The following VWA5B2 variants were observed in gnomAD, a reference collection of about 807,000 sequenced individuals.
The protein encoded by VWA5B2 is von Willebrand factor A domain containing 5B2.
Under a neutral mutation model 118.5 loss-of-function variants are expected in VWA5B2, and 93 were observed. That is an observed-to-expected ratio of 0.79 (90% CI 0.66 to 0.93). VWA5B2 has a LOEUF of 0.93. Ranked by LOEUF, VWA5B2 falls within the 40% of genes least tolerant of loss-of-function variation. The probability of loss-of-function intolerance (pLI) is 0.00; values close to 1 mark genes in which losing one functional copy is unlikely to be tolerated. For synonymous variants in VWA5B2, 708 were observed against 716.3 expected (o/e 0.99, Z 0.19); for missense variants, 1,546 against 1,672.8 (o/e 0.92, Z 1.32).
rs1718088011 is a variant in VWA5B2, at chr3:184,237,196, C to T, written c.1534-30C>T. 1 of 1,544,882 alleles carries T rather than the reference C, an allele frequency of 6.5e-7. No individual in the cohort carries two copies. The highest frequency in any genetic ancestry group is 1.4e-5 in the African/African-American group (1 of 72,922). ...TGGCCGTATGACACCTCTTTCCTTC[C>T]CATGTCTTCCCTGTGGCCACTCCCC... On this transcript the variant is annotated intron_variant, in intron 11 of 19. Coordinates refer to ENST00000691901, the MANE Select transcript of VWA5B2 (RefSeq NM_001390846.1). The surrounding 1 kb of genome is among the most constrained non-coding windows in gnomAD (Gnocchi z 5.6).
rs1444944048 is a variant in VWA5B2 at position 184,230,931 on chromosome 3, G to T, written c.310+14G>T. 3.3e-6 allele frequency: 4 copies of T among 1,211,496 alleles called. No individual in the cohort carries two copies. The highest frequency in any genetic ancestry group is 8.7e-5 in the Admixed American group (2 of 22,864). The allele number at this position is 1,211,496 out of a possible 1,614,324, so 75.0% of individuals were successfully genotyped here. ...GCTGCGCGCAGGGTGAGTTCCGCGC[G>T]CCCGCACCCGCGCTCCTGAAAGCCG... is the stretch of plus-strand genomic sequence containing the variant. On this transcript the variant is annotated intron_variant, in intron 3 of 19. Transcript: ENST00000691901.
Position 184,239,542 on chromosome 3 carries a change from C to G in VWA5B2, c.2351C>G (p.Pro784Arg). The G allele has an allele frequency of 6.5e-7, 1 of 1,540,980 alleles. No individual in the cohort carries two copies. The highest frequency in any genetic ancestry group is 8.8e-7 in the Non-Finnish European group (1 of 1,139,694). The change falls in exon 15 of 20, where the codon CCT becomes CGT. Residue 784 changes from proline to arginine, a missense_variant. Pro to Arg is a moderately radical substitution (Grantham distance 103, BLOSUM62 -2). This residue lies in a region of VWA5B2 where 763 missense variants were observed against 766.6 expected (regional missense o/e 1.00). Coordinates refer to ENST00000691901, the MANE Select transcript of VWA5B2 (RefSeq NM_001390846.1). This position sits in a 1 kb window ranked among gnomAD's most constrained non-coding sequence, Gnocchi z 5.1. ...SLGAILDGPS[P>R]EPGQQLGQGL... ...GGTGCAATACTAGATGGCCCAAGTC[C>G]TGAGCCAGGCCAACAGTTGGGACAA...
rs932543151 is a variant in VWA5B2 at position 184,237,798 on chromosome 3, G to T, written c.1719+387G>T. On this transcript the variant is annotated intron_variant, in intron 12 of 19. Transcript: ENST00000691901. This position sits in a 1 kb window ranked among gnomAD's most constrained non-coding sequence, Gnocchi z 5.6. ...TTCTGGGACACGCAGTGATGGATGA[G>T]CATAACCTAGGCACAATCTCTAATC... Among the ~76,000 whole-genome samples, 1 of 152,200 alleles carries T rather than the reference G, an allele frequency of 6.6e-6. No homozygotes were observed. Among genetic ancestry groups the T allele is most frequent in the African/African-American group, 2.4e-5 (1 of 41,452 alleles).
In VWA5B2 at chr3:184,236,531, G is replaced by A; in HGVS notation, c.1401G>A (p.Arg467=). Residue 467 remains arginine (R), a synonymous_variant, in exon 10 of 20, where the codon AGG becomes AGA. Transcript: ENST00000691901. ...CCCACCGAACCCTGGAGCTCATGAG[G>A]TGGCACAGGGGGACAGCCAGGTATG... ...ATTHRTLELM[R]WHRGTARCFS... 7.1e-6 allele frequency: 11 copies of A among 1,550,214 alleles called. No homozygotes were observed. The highest frequency in any genetic ancestry group is 1.4e-5 in the African/African-American group (1 of 73,178).
rs369084544 is a variant in VWA5B2, at chr3:184,242,297, C to G, written c.*259C>G. 1.2e-5 allele frequency: 9 copies of G among 760,006 alleles called. No homozygotes were observed. Among genetic ancestry groups the G allele is most frequent in the South Asian group, 1.1e-4 (7 of 64,336 alleles). 47.1% of individuals were successfully genotyped at this position (760,006 alleles called of 1,614,324 possible). Reference sequence around the variant, plus strand: ...AGTGGAAGGGTAGAGAGCCACAGTCCCCAAATCCTATGCAATAAAGTGCCT... The same window carrying G: ...AGTGGAAGGGTAGAGAGCCACAGTCGCCAAATCCTATGCAATAAAGTGCCT... On this transcript the variant is annotated 3_prime_UTR_variant, in exon 20 of 20. Coordinates refer to ENST00000691901, the MANE Select transcript of VWA5B2 (RefSeq NM_001390846.1).
Position 184,233,314 on chromosome 3 carries a change from T to C in VWA5B2, c.447T>C (p.His149=), listed in dbSNP as rs1016029769. The change falls in exon 4 of 20, where the codon CAT becomes CAC. Residue 149 remains histidine, a synonymous_variant. Transcript: ENST00000691901. This position sits in a 1 kb window ranked among gnomAD's most constrained non-coding sequence, Gnocchi z 5.2. ...CCTCAAGGCCTGACGGGGTGCTGCA[T>C]GTGGCCCTGCCCACTGTGCTCACCC... ...ELPSRPDGVL[H]VALPTVLTPL... is the part of the protein sequence containing the mutation. 6.5e-7 allele frequency: 1 copy of C among 1,537,506 alleles called. No individual in the cohort carries two copies.
intron 7 of VWA5B2, 56 bp downstream of exon 7, chr3:184,234,811 G>GAGCAGGCA (rs1717801344): frequency 1.3e-6 from 2 of 1,548,310 alleles, no homozygotes; most frequent in Admixed American, 4.0e-5. Flanking sequence ...TGTGCACAAG[G>GAGCAGGCA]AGCAGGCAAG....
In VWA5B2 at chr3:184,229,637, A is replaced by G. The variant is rs964897858; in HGVS notation, c.-226A>G. 2.6e-5 allele frequency among the ~76,000 whole-genome samples: 4 copies of G among 151,826 alleles called. No individual in the cohort carries two copies. Among genetic ancestry groups the G allele is most frequent in the Admixed American group, 2.6e-4 (4 of 15,270 alleles). ...TGGCGGCCGGCAGGTGCCGGGACCG[A>G]GGGCCACCCGGAGCGCAGAGGCGGC... On this transcript the variant is annotated 5_prime_UTR_variant, in exon 1 of 20. Coordinates refer to ENST00000691901, the MANE Select transcript of VWA5B2 (RefSeq NM_001390846.1).
chr3:184,233,082 GC>G lies in VWA5B2; in HGVS notation c.311-93del. On this transcript the variant is annotated intron_variant, in intron 3 of 19. Coordinates refer to ENST00000691901, the MANE Select transcript of VWA5B2 (RefSeq NM_001390846.1). This position sits in a 1 kb window ranked among gnomAD's most constrained non-coding sequence, Gnocchi z 5.2. ...AGTGCCAACACGCAAAGTCCCCCTT[GC>G]CCAGGCTCCCTGACCCAATGCCTGC... The G allele has an allele frequency of 8.7e-7, 1 of 1,155,668 alleles. No individual in the cohort carries two copies. The highest frequency in any genetic ancestry group is 2.4e-5 in the Admixed American group (1 of 40,864). The allele number at this position is 1,155,668 out of a possible 1,614,324, so 71.6% of individuals were successfully genotyped here. A position where few individuals can be genotyped will look rare whatever the true frequency, so the allele number is the denominator to read the frequency against.
intron 5 of VWA5B2, among the ~76,000 whole-genome samples, chr3:184,234,040 A>G (rs182102596): frequency 1.3e-4 from 20 of 152,322 alleles, no homozygotes; most frequent in Non-Finnish European, 1.9e-4. Context: ...TGGGGGGTGA[A>G]TGCTAAATCA....
At chr3:184,240,481 C>A (rs1577095239) in intron 16 of VWA5B2, 1 of 447,014 alleles carries the variant, frequency 2.2e-6, no homozygotes, top group African/African-American at 1.9e-5. Context: ...AGAGAGAGAA[C>A]ATTTCCAAGT....
rs1173736367 is a variant in VWA5B2, at chr3:184,236,409, C to T, written c.1279C>T (p.Leu427=). 6 of 1,545,858 alleles carry T rather than the reference C, an allele frequency of 3.9e-6. No individual in the cohort carries two copies. Among genetic ancestry groups the T allele is most frequent in the Middle Eastern group, 1.7e-4 (1 of 5,982 alleles). Residue 427 remains leucine, a synonymous_variant, in exon 10 of 20, where the codon CTG becomes TTG. Transcript: ENST00000691901. ...LQVPSGPPDV[L]AALDWAVGQP... is the part of the protein sequence containing the mutation. ...GGTTCCGAGTGGGCCCCCAGACGTG[C>T]TGGCTGCTCTGGACTGGGCCGTGGG...
In VWA5B2 at chr3:184,241,747, A is replaced by T. The variant is rs1457453005; in HGVS notation, c.3438A>T (p.Ser1146=). ...GCCAGGTGGACAGTGGGCGGGGCTC[A>T]GACACCGAGGCCTCCGAGGGGGCGG... ...GPGQVDSGRG[S]DTEASEGAEG... is the part of the protein sequence containing the mutation. The change falls in exon 20 of 20, where the codon TCA becomes TCT. Residue 1146 remains serine (S), a synonymous_variant. Transcript: ENST00000691901. This position sits in a 1 kb window ranked among gnomAD's most constrained non-coding sequence, Gnocchi z 5.1. 1.3e-6 allele frequency: 2 copies of T among 1,484,508 alleles called. No individual in the cohort carries two copies. Among genetic ancestry groups the T allele is most frequent in the African/African-American group, 2.8e-5 (2 of 71,742 alleles). 92.0% of individuals were successfully genotyped at this position (1,484,508 alleles called of 1,614,324 possible).
Position 184,236,438 on chromosome 3 carries a change from G to A in VWA5B2, c.1308G>A (p.Gln436=). The change falls in exon 10 of 20, where the codon CAG becomes CAA. Residue 436 remains glutamine, a synonymous_variant. Coordinates refer to ENST00000691901, the MANE Select transcript of VWA5B2 (RefSeq NM_001390846.1). ...VLAALDWAVG[Q]PQHRAYPRQL... is the part of the protein sequence containing the mutation. The stretch of plus-strand genomic sequence containing the variant: ...CTGCTCTGGACTGGGCCGTGGGGCA[G>A]CCCCAGCACAGGGCCTACCCTCGGC... 2 of 1,546,844 alleles carry A rather than the reference G, an allele frequency of 1.3e-6. No homozygotes were observed. Among genetic ancestry groups the A allele is most frequent in the South Asian group, 1.2e-5 (1 of 84,054 alleles).
chr3:184,234,666 A>C lies in VWA5B2; in HGVS notation c.856A>C (p.Ser286Arg). The change falls in exon 7 of 20, where the codon AGC becomes CGC. Residue 286 changes from serine (S) to arginine (R), a missense_variant. By Grantham distance (110) the Ser-to-Arg change is moderately radical. This residue lies in a region of VWA5B2 where 775 missense variants were observed against 882.3 expected (regional missense o/e 0.88). Coordinates refer to ENST00000691901, the MANE Select transcript of VWA5B2 (RefSeq NM_001390846.1). ...GCCACACCTGATGCTGGAGGGCGGCAGCCTGAGCTCAGCAGAATATGAGGC... is the reference window on the plus strand; with the variant it reads ...GCCACACCTGATGCTGGAGGGCGGCCGCCTGAGCTCAGCAGAATATGAGGC... ...HQPHLMLEGG[S>R]LSSAEYEARV... 6.4e-7 allele frequency: 1 copy of C among 1,551,342 alleles called. No individual in the cohort carries two copies. Among genetic ancestry groups the C allele is most frequent in the South Asian group, 1.2e-5 (1 of 84,062 alleles).
rs1718008454 is a variant in VWA5B2, at chr3:184,236,458, C to T, written c.1328C>T (p.Pro443Leu). The stretch of plus-strand genomic sequence containing the variant: ...GGGCAGCCCCAGCACAGGGCCTACC[C>T]TCGGCAGCTGTTCCTGCTCACTGCT... ...AVGQPQHRAYPRQLFLLTAAS... is the reference protein window; with the variant it reads ...AVGQPQHRAYLRQLFLLTAAS... Residue 443 changes from proline to leucine, a missense_variant, in exon 10 of 20, where the codon CCT becomes CTT. By Grantham distance (98) the Pro-to-Leu change is moderately conservative. Coordinates refer to ENST00000691901, the MANE Select transcript of VWA5B2 (RefSeq NM_001390846.1). 6.5e-7 allele frequency: 1 copy of T among 1,546,746 alleles called. No homozygotes were observed. The highest frequency in any genetic ancestry group is 8.7e-7 in the Non-Finnish European group (1 of 1,146,960).
intron 16 of VWA5B2, 164 bp from the exon 17 acceptor site, chr3:184,240,627 T>C: frequency 1.0e-6 from 1 of 959,528 alleles, no homozygotes; most frequent in Non-Finnish European, 1.5e-6. Flanking sequence ...TGATCACTTC[T>C]TGTCAAAGTT....
In VWA5B2 at chr3:184,233,230, A is replaced by G. The variant is rs1008417697; in HGVS notation, c.363A>G (p.Thr121=). 2.9e-5 allele frequency: 45 copies of G among 1,550,712 alleles called. No individual in the cohort carries two copies. The highest frequency in any genetic ancestry group is 9.8e-5 in the Admixed American group (5 of 50,924). The part of the protein sequence containing the change: ...AQARSTLVLP[T]GIIAAAGTMT... ...CCCGGTCCACGTTGGTGCTGCCCAC[A>G]GGCATTATCGCCGCGGCTGGCACCA... is the stretch of plus-strand genomic sequence containing the variant. The change falls in exon 4 of 20, where the codon ACA becomes ACG. Residue 121 remains threonine, a synonymous_variant. Coordinates refer to ENST00000691901, the MANE Select transcript of VWA5B2 (RefSeq NM_001390846.1). The surrounding 1 kb of genome is among the most constrained non-coding windows in gnomAD (Gnocchi z 5.2).
chr3:184,237,992 A>AT lies in VWA5B2; in HGVS notation c.1720-305dup, dbSNP rs1415706468. 6.6e-6 allele frequency among the ~76,000 whole-genome samples: 1 copy of AT among 152,088 alleles called. No individual in the cohort carries two copies. The highest frequency in any genetic ancestry group is 1.5e-5 in the Non-Finnish European group (1 of 68,032). ...AGTAGGAGCTGGGGACATGGTAGTT[A>AT]TTTTTTAATGAAAAGCTTTATCTCT... On this transcript the variant is annotated intron_variant, in intron 12 of 19. Coordinates refer to ENST00000691901, the MANE Select transcript of VWA5B2 (RefSeq NM_001390846.1). The surrounding 1 kb of genome is among the most constrained non-coding windows in gnomAD (Gnocchi z 5.6).
Sources: gnomAD v4.1 joint callset for allele counts (sites outside exome capture counted in the v4.1 genomes callset) on GRCh38, gnomAD v4.1.1 for gene constraint, gnomAD v4.1.1 regional missense constraint, Gnocchi (gnomAD v3.1) non-coding constraint, MANE v1.5 for transcripts, NCBI Gene and HGNC (gene_info 2026-07-23, HGNC 2026-07-21) for gene names.